The following CYP7B1 variants were observed in gnomAD, a reference collection of about 807,000 sequenced individuals.
CYP7B1 encodes cytochrome P450 7B1.
A neutral mutation model predicts 42.7 loss-of-function variants in CYP7B1; 29 were observed. The ratio of observed to expected loss-of-function variants is 0.68; its 90% CI spans 0.51 to 0.93. The LOEUF is 0.93. CYP7B1 is among the 40% of genes least tolerant of loss of function. The probability of loss-of-function intolerance (pLI) is 0.00; values close to 1 mark genes in which losing one functional copy is unlikely to be tolerated. For missense variants in CYP7B1, 655 were observed against 600.5 expected (o/e 1.09, Z -0.95); for synonymous variants, 235 against 218.2 (o/e 1.08, Z -0.68).
rs1257668362 is a variant in CYP7B1, at chr8:64,594,786, G to A, written c.*1856C>T. ...GAAATTACATGGAGTGTAAGTTAGAGATACAAAGTGTGGTGAGAAAAGATC... is the reference window on the plus strand; with the variant it reads ...GAAATTACATGGAGTGTAAGTTAGAAATACAAAGTGTGGTGAGAAAAGATC... On this transcript the variant is annotated 3_prime_UTR_variant, in exon 6 of 6. Transcript: ENST00000310193. 6.6e-6 allele frequency among the ~76,000 whole-genome samples: 1 copy of A among 152,228 alleles called. No individual in the cohort carries two copies. The highest frequency in any genetic ancestry group is 1.5e-5 in the Non-Finnish European group (1 of 68,036).
intron 1 of CYP7B1, among the ~76,000 whole-genome samples, chr8:64,677,736 T>G (rs1240288225): frequency 9.2e-6 from 1 of 108,616 alleles, no homozygotes; most frequent in Non-Finnish European, 1.8e-5. Flanking sequence ...TTTTTTTACA[T>G]AGAAATGTAT....
At chr8:64,596,990 A>T (rs1805129300) in intron 5 of CYP7B1, 61 bp from the exon 6 acceptor site, 8 of 1,449,776 alleles carry the variant, frequency 5.5e-6, no homozygotes, top group Middle Eastern at 1.8e-4. Flanking sequence ...GTTCAAGTCC[A>T]CAAAGTTGCT....
At chr8:64,773,079 GCATATCAC>G (rs1804262558) in intron 1 of CYP7B1, among the ~76,000 whole-genome samples, 1 of 152,104 alleles carries the variant, frequency 6.6e-6, no homozygotes, top group South Asian at 2.1e-4. Context: ...TTTCCACTGT[GCATATCAC>G]TGCCTATATG....
intron 2 of CYP7B1, among the ~76,000 whole-genome samples, chr8:64,619,417 G>T (rs998104971): frequency 3.3e-5 from 5 of 152,160 alleles, no homozygotes; most frequent in African/African-American, 1.2e-4. Flanking sequence ...AAAGAGAAGA[G>T]AATGCTGTCA....
rs77910479 is a variant in CYP7B1, at chr8:64,725,114, C to G, written c.122+73352G>C. Among the ~76,000 whole-genome samples, 1,421 of 152,300 alleles carry G rather than the reference C, an allele frequency of 9.3e-3. 22 individuals carry two copies. Among genetic ancestry groups the G allele is most frequent in the African/African-American group, 0.032 (1,348 of 41,552 alleles). On this transcript the variant is annotated intron_variant, in intron 1 of 5. Coordinates refer to ENST00000310193, the MANE Select transcript of CYP7B1 (RefSeq NM_004820.5). ...TCAATCCGTAACCATTAGATCACCC[C>G]CTTTGGTCCAATCACATTTCTACAT... is the stretch of plus-strand genomic sequence containing the variant.
chr8:64,718,020 G>A (rs1007694143), intron 1 of CYP7B1, among the ~76,000 whole-genome samples: 1 of 151,560 alleles, frequency 6.6e-6, no homozygotes, highest in African/African-American at 2.4e-5. Context: ...TTGCTATACA[G>A]TCACGAGTTC....
At chr8:64,654,934 C>T (rs1298823901) in intron 1 of CYP7B1, among the ~76,000 whole-genome samples, 3 of 152,226 alleles carry the variant, frequency 2.0e-5, no homozygotes, top group Non-Finnish European at 2.9e-5. Flanking sequence ...ACATTCCCTC[C>T]TCAATAAATG....
chr8:64,708,917 C>T (rs1807039510), intron 1 of CYP7B1, among the ~76,000 whole-genome samples: 1 of 152,130 alleles, frequency 6.6e-6, no homozygotes, highest in Non-Finnish European at 1.5e-5. Flanking sequence ...GATGAAAGTA[C>T]TTTCCATAGA....
intron 1 of CYP7B1, among the ~76,000 whole-genome samples, chr8:64,725,933 A>G (rs1385938378): frequency 6.6e-6 from 1 of 152,164 alleles, no homozygotes; most frequent in Non-Finnish European, 1.5e-5. Flanking sequence ...TCTGCTCACC[A>G]CAACAATCCG....
At chr8:64,765,458 T>G (rs1239718310) in intron 1 of CYP7B1, among the ~76,000 whole-genome samples, 1 of 152,190 alleles carries the variant, frequency 6.6e-6, no homozygotes, top group African/African-American at 2.4e-5. Context: ...TGGGCTGTTA[T>G]GAAATACTCA....
intron 1 of CYP7B1, among the ~76,000 whole-genome samples, chr8:64,718,342 G>C (rs762508041): frequency 6.6e-5 from 10 of 152,126 alleles, no homozygotes; most frequent in Non-Finnish European, 1.3e-4. Context: ...ATCTGTAAGA[G>C]TTGGCTTTTT....
intron 1 of CYP7B1, among the ~76,000 whole-genome samples, chr8:64,699,549 C>A (rs1337248962): frequency 6.6e-6 from 1 of 152,026 alleles, no homozygotes; most frequent in Non-Finnish European, 1.5e-5. Flanking sequence ...TAAAATAGGA[C>A]AAACCATCTG....
At position 64,687,684 on chromosome 8, in the gene CYP7B1, A is replaced by G. The variant is rs542060361; in HGVS notation, c.123-63145T>C. On this transcript the variant is annotated intron_variant, in intron 1 of 5. Coordinates refer to ENST00000310193, the MANE Select transcript of CYP7B1 (RefSeq NM_004820.5). ...CTCAAGAAACATAAATTTTTCTCTT[A>G]AAAATTATGTAAACCTCAAAAATAC... 7.2e-5 allele frequency among the ~76,000 whole-genome samples: 11 copies of G among 152,330 alleles called. No homozygotes were observed. The East Asian group carries it at 1.5e-3, about 21-fold the overall frequency.
chr8:64,610,742 T>C (rs1467876118), intron 4 of CYP7B1, among the ~76,000 whole-genome samples: 1 of 152,096 alleles, frequency 6.6e-6, no homozygotes, highest in Non-Finnish European at 1.5e-5. Flanking sequence ...GAATCAGTAA[T>C]ATATATCTTA....
chr8:64,721,710 A>G (rs1439884690), intron 1 of CYP7B1, among the ~76,000 whole-genome samples: 1 of 152,208 alleles, frequency 6.6e-6, no homozygotes, highest in Non-Finnish European at 1.5e-5. Context: ...TACTTTGTAT[A>G]GATGAAAATA....
intron 1 of CYP7B1, among the ~76,000 whole-genome samples, chr8:64,790,750 A>G (rs947250777): frequency 6.6e-6 from 1 of 152,128 alleles, no homozygotes; most frequent in Non-Finnish European, 1.5e-5. Flanking sequence ...AGAAGAATCT[A>G]TTTTTTCAAA....
intron 1 of CYP7B1, among the ~76,000 whole-genome samples, chr8:64,767,140 T>C (rs761779626): frequency 6.6e-6 from 1 of 152,166 alleles, no homozygotes; most frequent in Non-Finnish European, 1.5e-5. Context: ...GGAAAAAGGG[T>C]AAATACATAT....
chr8:64,601,159 T>A (rs554311624), intron 5 of CYP7B1, among the ~76,000 whole-genome samples: 4 of 152,288 alleles, frequency 2.6e-5, no homozygotes, highest in Non-Finnish European at 5.9e-5. Flanking sequence ...TGATTTAGAA[T>A]TTTTTCAAGG....
rs79576877 is a variant in CYP7B1 at position 64,723,839 on chromosome 8, G to A, written c.122+74627C>T. On this transcript the variant is annotated intron_variant, in intron 1 of 5. Coordinates refer to ENST00000310193, the MANE Select transcript of CYP7B1 (RefSeq NM_004820.5). Reference sequence around the variant, plus strand: ...ACAAAAACAAAGTAGAAAAACTGTCGGCCATTCATAGTATGGAATATTATA... The same window carrying A: ...ACAAAAACAAAGTAGAAAAACTGTCAGCCATTCATAGTATGGAATATTATA... Among the ~76,000 whole-genome samples the A allele has an allele frequency of 9.9e-5, 15 of 152,038 alleles. 1 individual carries two copies. The highest frequency in any genetic ancestry group is 3.4e-4 in the African/African-American group (14 of 41,462).
Sources: gnomAD v4.1 joint callset for allele counts (sites outside exome capture counted in the v4.1 genomes callset) on GRCh38, gnomAD v4.1.1 for gene constraint, MANE v1.5 for transcripts, NCBI Gene and HGNC (gene_info 2026-07-23, HGNC 2026-07-21) for gene names.